C1S: variants seen among roughly 807,000 people sequenced by gnomAD.
C1S encodes complement C1s subcomponent.
A neutral mutation model predicts 54.0 loss-of-function variants in C1S; 31 were observed. The observed-to-expected ratio is 0.57, with a 90% CI of 0.43 to 0.78. The LOEUF (loss-of-function observed/expected upper bound fraction) is 0.78. Ranked by LOEUF, C1S falls within the 30% of genes least tolerant of loss-of-function variation. C1S has a pLI of 0.00. For synonymous variants in C1S, 292 were observed against 303.6 expected, an observed-to-expected ratio of 0.96 and a Z score of 0.40; for missense variants, 727 against 851.8, an observed-to-expected ratio of 0.85 and a Z score of 1.82.
intron 4 of C1S, chr12:7,063,999 A>G (rs1947134317): frequency 2.1e-5 from 11 of 525,102 alleles, no homozygotes; most frequent in South Asian, 1.7e-4. Flanking sequence ...CCACCACTGC[A>G]CTCCAGCCTC....
rs782792648 is a variant in C1S at position 7,068,481 on chromosome 12, G to C, written c.1221G>C (p.Gly407=). 1.9e-6 allele frequency: 3 copies of C among 1,613,896 alleles called. No individual in the cohort carries two copies. The South Asian group carries it at 3.3e-5, about 18-fold the overall frequency. Reference sequence around the variant, plus strand: ...GGGAGTATCACTGTGCTGGTAACGGGAGCTGGGTGAATGAGGTGCTGGGCC... The same window carrying C: ...GGGAGTATCACTGTGCTGGTAACGGCAGCTGGGTGAATGAGGTGCTGGGCC... ...GGGEYHCAGN[G]SWVNEVLGPE... is the part of the protein sequence containing the mutation. The change falls in exon 11 of 12, where the codon GGG becomes GGC. Residue 407 remains glycine (G), a synonymous_variant. Coordinates refer to ENST00000360817, the MANE Select transcript of C1S (RefSeq NM_001734.5).
rs1483387818 is a variant in C1S at position 7,067,648 on chromosome 12, G to A, written c.1072G>A (p.Asp358Asn). The change falls in exon 10 of 12, where the codon GAC becomes AAC. Residue 358 changes from aspartate (D) to asparagine (N), a missense_variant. Around this residue, in one of 3 missense-constraint regions of C1S, gnomAD observed 360 missense variants for 453.6 expected, o/e 0.79. Transcript: ENST00000360817. ...SNSKLKCQPV[D>N]CGIPESIENG... ...CTCCTTCCTTCGTCTGGTAGCTGTG[G>A]ACTGTGGCATTCCTGAATCCATTGA... The A allele has an allele frequency of 6.2e-7, 1 of 1,613,908 alleles. No homozygotes were observed. The highest frequency in any genetic ancestry group is 8.5e-7 in the Non-Finnish European group (1 of 1,179,998).
intron 1 of C1S, 32 bp from the exon 2 acceptor site, chr12:7,061,807 A>G (rs782757726): frequency 1.7e-5 from 22 of 1,276,794 alleles, no homozygotes; most frequent in Middle Eastern, 3.7e-4. Context: ...TGTGTTTGTC[A>G]GACAAATACA....
Position 7,065,931 on chromosome 12 carries a change from G to C in C1S, c.832G>C (p.Gly278Arg). The C allele has an allele frequency of 6.2e-7, 1 of 1,613,950 alleles. No individual in the cohort carries two copies. Among genetic ancestry groups the C allele is most frequent in the South Asian group, 1.1e-5 (1 of 91,072 alleles). The part of the protein sequence containing the change: ...LDIIFQTDLT[G>R]QKKGWKLRYH... ...TATCATCTTCCAAACTGATCTAACAGGGCAAAAAAAGGGCTGGAAACTTCG... is the reference window on the plus strand; with the variant it reads ...TATCATCTTCCAAACTGATCTAACACGGCAAAAAAAGGGCTGGAAACTTCG... The change falls in exon 7 of 12, where the codon GGG becomes CGG. Residue 278 changes from glycine to arginine, a missense_variant. Physicochemically the swap from Gly to Arg is moderately radical, Grantham distance 125 (BLOSUM62 -2). This residue lies in a region of C1S where 357 missense variants were observed against 365.4 expected (regional missense o/e 0.98). Coordinates refer to ENST00000360817, the MANE Select transcript of C1S (RefSeq NM_001734.5).
chr12:7,067,289 C>T (rs1421240375), intron 9 of C1S, 172 bp downstream of exon 9: 1 of 676,620 alleles, frequency 1.5e-6, no homozygotes. Flanking sequence ...CGCATCTGGT[C>T]CCAGGCCAAC....
intron 5 of C1S, among the ~76,000 whole-genome samples, chr12:7,064,598 AG>A (rs1947146226): frequency 6.6e-6 from 1 of 152,054 alleles, no homozygotes; most frequent in Non-Finnish European, 1.5e-5. Flanking sequence ...TACATGGATG[AG>A]TTCCTTAGTG....
At chr12:7,067,853 A>T (rs2135727314) in intron 10 of C1S, 82 bp downstream of exon 10, 1 of 1,424,266 alleles carries the variant, frequency 7.0e-7, no homozygotes, top group East Asian at 2.3e-5. Flanking sequence ...CCAGAGACAG[A>T]GTTTGGAGAC....
In C1S at chr12:7,070,584, G is replaced by A. The variant is rs782101819; in HGVS notation, c.2000G>A (p.Arg667Gln). 15 of 1,613,992 alleles carry A rather than the reference G, an allele frequency of 9.3e-6. No individual in the cohort carries two copies. The Admixed American group carries it at 1.3e-4, about 14-fold the overall frequency. ...TGTGGGACCTATGGGCTCTACACACGGGTAAAGAACTATGTTGACTGGATA... is the reference window on the plus strand; with the variant it reads ...TGTGGGACCTATGGGCTCTACACACAGGTAAAGAACTATGTTGACTGGATA... Reference protein sequence around the residue: ...PQCGTYGLYTRVKNYVDWIMK... With the variant: ...PQCGTYGLYTQVKNYVDWIMK... Residue 667 changes from arginine (R) to glutamine (Q), a missense_variant, in exon 12 of 12, where the codon CGG (arginine) becomes CAG (glutamine). Transcript: ENST00000360817. The surrounding 1 kb of genome is among the most constrained non-coding windows in gnomAD (Gnocchi z 4.9).
chr12:7,066,115 G>T, intron 7 of C1S, 145 bp downstream of exon 7: 1 of 774,512 alleles, frequency 1.3e-6, no homozygotes. Context: ...GATCCCTTGA[G>T]CCCAGGAAGT....
At chr12:7,066,491 TC>T in intron 7 of C1S, 26 bp from the exon 8 acceptor site, 1 of 1,329,682 alleles carries the variant, frequency 7.5e-7, no homozygotes, top group South Asian at 1.2e-5. Flanking sequence ...AATTTTTTCC[TC>T]CTGTCCCAAC....
rs782630063 is a variant in C1S, at chr12:7,066,548, A to C, written c.902A>C (p.Asn301Thr). ...PMPCPKEDTP[N>T]SVWEPAKAKY... ...CCCTGCCCTAAGGAAGACACTCCCAATTCTGTTTGGGAGCCTGCGAAGGCA... is the reference window on the plus strand; with the variant it reads ...CCCTGCCCTAAGGAAGACACTCCCACTTCTGTTTGGGAGCCTGCGAAGGCA... The change falls in exon 8 of 12, where the codon AAT becomes ACT. Residue 301 changes from asparagine to threonine, a missense_variant. Around this residue, in one of 3 missense-constraint regions of C1S, gnomAD observed 357 missense variants for 365.4 expected, o/e 0.98. Transcript: ENST00000360817. The C allele has an allele frequency of 1.0e-4, 166 of 1,613,104 alleles. No homozygotes were observed. The highest frequency in any genetic ancestry group is 1.3e-4 in the Non-Finnish European group (159 of 1,179,136).
chr12:7,063,237 CAT>C (rs1466300883), intron 4 of C1S, among the ~76,000 whole-genome samples, 170 bp downstream of exon 4: 2 of 152,282 alleles, frequency 1.3e-5, no homozygotes, highest in African/African-American at 4.8e-5. Context: ...AATGCATGAT[CAT>C]ATCTTAGTGG....
rs778691266 is a variant in C1S, at chr12:7,070,120, G to A, written c.1536G>A (p.Pro512=). ...MLTPEHVFIH[P]GWKLLEVPEG... ...CTCCTGAGCATGTGTTTATTCATCC[G>A]GGATGGAAGCTGCTGGAAGTCCCAG... Residue 512 remains proline (P), a synonymous_variant, in exon 12 of 12, where the codon CCG becomes CCA. Coordinates refer to ENST00000360817, the MANE Select transcript of C1S (RefSeq NM_001734.5). The surrounding 1 kb of genome is among the most constrained non-coding windows in gnomAD (Gnocchi z 4.9). The A allele has an allele frequency of 1.9e-6, 3 of 1,614,042 alleles. No individual in the cohort carries two copies. The highest frequency in any genetic ancestry group is 2.2e-5 in the South Asian group (2 of 91,076).
chr12:7,065,262 C>G lies in C1S; in HGVS notation c.680C>G (p.Ala227Gly). ...TLRREDFDVE[A>G]ADSAGNCLDS... ...CGGAGAGAAGATTTTGATGTGGAAG[C>G]AGCTGACTCAGCGGGAAACTGCCTT... The change falls in exon 6 of 12, where the codon GCA becomes GGA. Residue 227 changes from alanine to glycine, a missense_variant. By Grantham distance (60) the Ala-to-Gly change is moderately conservative. Coordinates refer to ENST00000360817, the MANE Select transcript of C1S (RefSeq NM_001734.5). The G allele has an allele frequency of 6.2e-7, 1 of 1,614,096 alleles. No individual in the cohort carries two copies. Among genetic ancestry groups the G allele is most frequent in the Non-Finnish European group, 8.5e-7 (1 of 1,179,938 alleles).
At position 7,062,889 on chromosome 12, in the gene C1S, G is replaced by A; in HGVS notation, c.214-1G>A. 1 of 1,613,398 alleles carries A rather than the reference G, an allele frequency of 6.2e-7. No homozygotes were observed. The highest frequency in any genetic ancestry group is 8.5e-7 in the Non-Finnish European group (1 of 1,179,804). On this transcript the variant is annotated splice_acceptor_variant, in intron 3 of 11. Coordinates refer to ENST00000360817, the MANE Select transcript of C1S (RefSeq NM_001734.5). LOFTEE classifies it high-confidence loss of function. ...TTTTTTTTTTGTGACTCTTCTCTTA[G>A]ATAATCTCAGGAGACACTGAAGAAG...
Position 7,067,057 on chromosome 12 carries a change from T to A in C1S, c.1006T>A (p.Ser336Thr). Residue 336 changes from serine (S) to threonine (T), a missense_variant, in exon 9 of 12, where the codon TCT (serine) becomes ACT (threonine). Ser to Thr is a moderately conservative substitution (Grantham distance 58). Around this residue, in one of 3 missense-constraint regions of C1S, gnomAD observed 360 missense variants for 453.6 expected, o/e 0.79. Coordinates refer to ENST00000360817, the MANE Select transcript of C1S (RefSeq NM_001734.5). ...EVVEGRVGAT[S>T]FYSTCQSNGK... ...TCTCCAGGGACGTGTTGGTGCAACA[T>A]CTTTCTATTCGACTTGTCAAAGCAA... 6.2e-7 allele frequency: 1 copy of A among 1,612,082 alleles called. No individual in the cohort carries two copies. The highest frequency in any genetic ancestry group is 1.7e-5 in the Admixed American group (1 of 60,020).
rs782803590 is a variant in C1S at position 7,060,836 on chromosome 12, G to A, written c.-116G>A. ...GGTTGCCCAGCATGCCCACTGGCAG[G>A]AGAGAGGGAACTGACCCACTTGCTC... On this transcript the variant is annotated 5_prime_UTR_variant, in exon 1 of 12. Coordinates refer to ENST00000360817, the MANE Select transcript of C1S (RefSeq NM_001734.5). The A allele has an allele frequency of 6.6e-6, 1 of 152,434 alleles. No individual in the cohort carries two copies. The highest frequency in any genetic ancestry group is 2.1e-4 in the South Asian group (1 of 4,830). 9.4% of individuals were successfully genotyped at this position (152,434 alleles called of 1,614,324 possible). A position where few individuals can be genotyped will look rare whatever the true frequency, so the allele number is the denominator to read the frequency against.
rs781979803 is a variant in C1S at position 7,065,327 on chromosome 12, C to G, written c.717+28C>G. On this transcript the variant is annotated intron_variant, in intron 6 of 11. Coordinates refer to ENST00000360817, the MANE Select transcript of C1S (RefSeq NM_001734.5). The stretch of plus-strand genomic sequence containing the variant: ...GCGTGATGGTTGATTAATACCCCAC[C>G]CTTAACTTACACAGAGAGATCTCTC... The G allele has an allele frequency of 6.5e-6, 10 of 1,538,772 alleles. No homozygotes were observed. The Admixed American group carries it at 1.0e-4, about 15-fold the overall frequency.
Position 7,061,834 on chromosome 12 carries a change from C to T in C1S, c.-74-5C>T, listed in dbSNP as rs1947092458. On this transcript the variant is annotated splice_region_variant and splice_polypyrimidine_tract_variant and intron_variant, in intron 1 of 11. Coordinates refer to ENST00000360817, the MANE Select transcript of C1S (RefSeq NM_001734.5). ...ACAAATACAGCCAGGCCTGCCACCC[C>T]TTAGGCTCCAAAGTCCGGAGGTGCA... The T allele has an allele frequency of 1.2e-5, 19 of 1,557,136 alleles. No homozygotes were observed. The highest frequency in any genetic ancestry group is 1.7e-5 in the Admixed American group (1 of 59,822).
Sources: gnomAD v4.1 joint callset for allele counts (sites outside exome capture counted in the v4.1 genomes callset) on GRCh38, gnomAD v4.1.1 for gene constraint, gnomAD v4.1.1 regional missense constraint, Gnocchi (gnomAD v3.1) non-coding constraint, MANE v1.5 for transcripts, NCBI Gene and HGNC (gene_info 2026-07-23, HGNC 2026-07-21) for gene names.